Variants in KIF1B observed in about 807,000 individuals in gnomAD.
KIF1B encodes kinesin-like protein KIF1B.
In KIF1B, 76 loss-of-function variants were observed where a neutral mutation model predicts 241.9. The ratio of observed to expected loss-of-function variants is 0.31; its 90% CI spans 0.26 to 0.38. The LOEUF is 0.38. Ranked by LOEUF, KIF1B falls within the 10% of genes least tolerant of loss-of-function variation. KIF1B has a pLI of 1.00. For missense variants in KIF1B, 1,622 were observed against 2,271.4 expected (o/e 0.71, Z 5.81); for synonymous variants, 750 against 796.7 (o/e 0.94, Z 0.99).
At chr1:10,324,134 C>T (rs1348236735) in intron 25 of KIF1B, 72 bp downstream of exon 25, 1 of 1,413,202 alleles carries the variant, frequency 7.1e-7, no homozygotes, top group Non-Finnish European at 1.0e-6. Flanking sequence ...TGAGCTCCCT[C>T]CAGCTCTCCT....
At chr1:10,252,221 G>T (rs893437640) in intron 2 of KIF1B, among the ~76,000 whole-genome samples, 1 of 151,846 alleles carries the variant, frequency 6.6e-6, no homozygotes, top group Non-Finnish European at 1.5e-5. Context: ...TGTATTTTTT[G>T]TAGAGACGGG....
In KIF1B at chr1:10,374,389, G is replaced by A. The variant is rs143669846; in HGVS notation, c.5020G>A (p.Glu1674Lys). The A allele has an allele frequency of 5.5e-4, 883 of 1,614,162 alleles. 5 individuals carry two copies. In the African/African-American group the frequency reaches 0.011, roughly 19 times the overall value. The change falls in exon 46 of 49, where the codon GAA becomes AAA. Residue 1674 changes from glutamate to lysine, a missense_variant. Glu to Lys is a moderately conservative substitution (Grantham distance 56). This residue lies in a region of KIF1B where 357 missense variants were observed against 409.0 expected (regional missense o/e 0.87). Coordinates refer to ENST00000676179, the MANE Select transcript of KIF1B (RefSeq NM_001365951.3). The surrounding 1 kb of genome is among the most constrained non-coding windows in gnomAD (Gnocchi z 4.3). The stretch of plus-strand genomic sequence containing the variant: ...ACAGTTTCAGATTGTCCCAGCTGTG[G>A]AAACACCATATTTGGCCCGAGCAGG... ...FEQFQIVPAV[E>K]TPYLARAGKN...
Position 10,325,039 on chromosome 1 carries a change from CTGCGTCATTTGG to C in KIF1B, c.2675+146_2675+157del, listed in dbSNP as rs1651677610. The C allele has an allele frequency of 3.4e-6, 3 of 874,948 alleles. No homozygotes were observed. In the Admixed American group the frequency reaches 6.5e-5, roughly 19 times the overall value. 54.2% of individuals were successfully genotyped at this position (874,948 alleles called of 1,614,324 possible). A position where few individuals can be genotyped will look rare whatever the true frequency, so the allele number is the denominator to read the frequency against. ...CTATAATCTTATCCACTCACAACCA[CTGCGTCATTTGG>C]TATATTTCCCTTCAGTTATATTCAG... On this transcript the variant is annotated intron_variant, in intron 26 of 48. Coordinates refer to ENST00000676179, the MANE Select transcript of KIF1B (RefSeq NM_001365951.3).
At chr1:10,243,221 A>G (rs1647162768) in intron 2 of KIF1B, among the ~76,000 whole-genome samples, 1 of 152,130 alleles carries the variant, frequency 6.6e-6, no homozygotes, top group Non-Finnish European at 1.5e-5. Flanking sequence ...GTTCGAGACC[A>G]GACTGGCCAA....
At chr1:10,244,606 C>G (rs1647181608) in intron 2 of KIF1B, among the ~76,000 whole-genome samples, 2 of 146,738 alleles carry the variant, frequency 1.4e-5, no homozygotes, top group African/African-American at 5.0e-5. Flanking sequence ...GCCACCGCGC[C>G]CGGCCCTCCT....
intron 22 of KIF1B, among the ~76,000 whole-genome samples, chr1:10,315,241 A>C (rs1651252539): frequency 6.9e-6 from 1 of 144,290 alleles, no homozygotes; most frequent in Non-Finnish European, 1.5e-5. Flanking sequence ...GCAATGGTGC[A>C]ATCTCAGCTC....
intron 24 of KIF1B, 30 bp from the exon 25 acceptor site, chr1:10,323,854 A>G: frequency 6.2e-7 from 1 of 1,600,132 alleles, no homozygotes; most frequent in East Asian, 2.2e-5. Context: ...GCTGAAAACC[A>G]TTTGTCAATG....
At chr1:10,306,263 G>T in intron 22 of KIF1B, 1 of 1,043,270 alleles carries the variant, frequency 9.6e-7, no homozygotes, top group Non-Finnish European at 1.2e-6. Flanking sequence ...ATGGGTAAAT[G>T]ATGTCTGTAA....
intron 16 of KIF1B, 32 bp from the exon 17 acceptor site, chr1:10,292,015 T>C (rs577380459): frequency 1.9e-6 from 3 of 1,570,060 alleles, no homozygotes; most frequent in Non-Finnish European, 2.6e-6. Context: ...CATTTTGGTA[T>C]TAGTGTTCTG....
At position 10,319,965 on chromosome 1, in the gene KIF1B, A is replaced by T. The variant is rs898898329; in HGVS notation, c.2116-78A>T. 10 of 894,004 alleles carry T rather than the reference A, an allele frequency of 1.1e-5. No homozygotes were observed. In the African/African-American group the frequency reaches 1.5e-4, roughly 13 times the overall value. The allele number at this position is 894,004 out of a possible 1,614,324, so 55.4% of individuals were successfully genotyped here. On this transcript the variant is annotated intron_variant, in intron 22 of 48. Transcript: ENST00000676179. ...GTCCTTTGCTTTCTCTACTTCCCCC[A>T]ATATTCCTTCCATTTCTCTTTCCCT...
At chr1:10,305,772 G>A (rs1557703105) in intron 22 of KIF1B, 1 of 1,055,600 alleles carries the variant, frequency 9.5e-7, no homozygotes, top group African/African-American at 1.7e-5. Context: ...CCTCACTGGA[G>A]AATCCACTAA....
chr1:10,256,859 G>A (rs934753506), intron 3 of KIF1B, among the ~76,000 whole-genome samples: 2 of 151,914 alleles, frequency 1.3e-5, no homozygotes, highest in Admixed American at 1.3e-4. Context: ...TTACAGGCGC[G>A]TGGCACTATG....
At position 10,337,306 on chromosome 1, in the gene KIF1B, G is replaced by C; in HGVS notation, c.3260-65G>C. 1 of 1,612,726 alleles carries C rather than the reference G, an allele frequency of 6.2e-7. No homozygotes were observed. Among genetic ancestry groups the C allele is most frequent in the Non-Finnish European group, 8.5e-7 (1 of 1,178,740 alleles). On this transcript the variant is annotated intron_variant, in intron 30 of 48. Transcript: ENST00000676179. This position sits in a 1 kb window ranked among gnomAD's most constrained non-coding sequence, Gnocchi z 4.0. ...GGCCTTCATCAACTAGGAATGGAAAGCATGCCCAACTCCCTCCTCTTTGCA... is the reference window on the plus strand; with the variant it reads ...GGCCTTCATCAACTAGGAATGGAAACCATGCCCAACTCCCTCCTCTTTGCA...
chr1:10,242,448 G>A (rs79143994), intron 2 of KIF1B, among the ~76,000 whole-genome samples: 2,848 of 152,146 alleles, frequency 0.019, 41 homozygotes, highest in Non-Finnish European at 0.028. Flanking sequence ...AGACATTGGT[G>A]GTATTTGTGG....
In KIF1B at chr1:10,303,856, A is replaced by G. The variant is rs1395869408; in HGVS notation, c.2115+6610A>G. 1 of 1,614,218 alleles carries G rather than the reference A, an allele frequency of 6.2e-7. No homozygotes were observed. On this transcript the variant is annotated intron_variant, in intron 22 of 48. Coordinates refer to ENST00000676179, the MANE Select transcript of KIF1B (RefSeq NM_001365951.3). This position sits in a 1 kb window ranked among gnomAD's most constrained non-coding sequence, Gnocchi z 5.2. ...TAGTAGCACCTCTGAGAATAATGTA[A>G]GTAAAGGAGACAATGGAGAACTTGC...
chr1:10,340,756 A>G (rs1331374277), intron 32 of KIF1B, among the ~76,000 whole-genome samples: 1 of 152,228 alleles, frequency 6.6e-6, no homozygotes, highest in African/African-American at 2.4e-5. Flanking sequence ...AGCCTGGGCA[A>G]GAAAGCGAGA....
intron 2 of KIF1B, among the ~76,000 whole-genome samples, chr1:10,252,417 C>T (rs577004647): frequency 8.5e-6 from 1 of 118,316 alleles, no homozygotes; most frequent in Non-Finnish European, 1.8e-5. Context: ...GTTGTTGTTG[C>T]TGTTGTTACT....
At chr1:10,345,196 A>G (rs117489759) in intron 34 of KIF1B, among the ~76,000 whole-genome samples, 3 of 152,206 alleles carry the variant, frequency 2.0e-5, no homozygotes, top group African/African-American at 7.2e-5. Context: ...ATCTGAAGAA[A>G]ATGTGTGACA....
intron 43 of KIF1B, among the ~76,000 whole-genome samples, chr1:10,367,458 C>T (rs1468102789): frequency 1.3e-5 from 2 of 151,830 alleles, no homozygotes; most frequent in South Asian, 4.2e-4. Context: ...AATCCCAGCA[C>T]TTTGGGAGGC....
Sources: allele counts gnomAD v4.1 joint callset (sites outside exome capture counted in the v4.1 genomes callset), GRCh38; gene constraint gnomAD v4.1.1; regional missense constraint gnomAD v4.1.1; non-coding constraint Gnocchi (gnomAD v3.1); transcripts MANE v1.5; gene names NCBI Gene and HGNC (gene_info 2026-07-23, HGNC 2026-07-21).